The following GNAZ variants were observed in gnomAD, a reference collection of about 807,000 sequenced individuals.
The protein encoded by GNAZ is guanine nucleotide-binding protein G(z) subunit alpha.
A neutral mutation model predicts 25.4 loss-of-function variants in GNAZ; 3 were observed. The observed-to-expected ratio is 0.12, with a 90% CI of 0.05 to 0.30. The LOEUF (loss-of-function observed/expected upper bound fraction) is 0.30, where lower values mean the gene tolerates loss of function less well. GNAZ is among the 10% of genes least tolerant of loss of function. The probability of loss-of-function intolerance (pLI) is 1.00; values close to 1 mark genes in which losing one functional copy is unlikely to be tolerated. For synonymous variants in GNAZ, 211 were observed against 205.7 expected (o/e 1.03, Z -0.22); for missense variants, 241 against 501.8 (o/e 0.48, Z 4.97).
At chr22:23,103,211 G>T (rs543720117) in intron 2 of GNAZ, among the ~76,000 whole-genome samples, 5 of 152,244 alleles carry the variant, frequency 3.3e-5, no homozygotes, top group Non-Finnish European at 2.9e-5. Context: ...CATTATATTT[G>T]TGGCTTCAAA....
At chr22:23,087,334 C>T (rs776026071) in intron 1 of GNAZ, among the ~76,000 whole-genome samples, 12 of 152,260 alleles carry the variant, frequency 7.9e-5, no homozygotes, top group South Asian at 2.1e-4. Flanking sequence ...GGCGTGGTGG[C>T]GCGTGCCTGC....
intron 2 of GNAZ, among the ~76,000 whole-genome samples, chr22:23,111,776 T>C (rs892144660): frequency 1.3e-5 from 2 of 152,110 alleles, no homozygotes; most frequent in Non-Finnish European, 2.9e-5. Flanking sequence ...GCGGCCAGGC[T>C]CCACAGGGCA....
chr22:23,073,048 A>C (rs2146244781), intron 1 of GNAZ, among the ~76,000 whole-genome samples: 1 of 152,360 alleles, frequency 6.6e-6, no homozygotes, highest in East Asian at 1.9e-4. Flanking sequence ...GTGTGTGAAC[A>C]CATGTGTGCG....
chr22:23,070,867 G>C (rs1484963771), intron 1 of GNAZ: 1 of 152,102 alleles, frequency 6.6e-6, no homozygotes, highest in Non-Finnish European at 1.5e-5. Flanking sequence ...GACAGAGGGC[G>C]CCGGGGATGC....
rs753636007 is a variant in GNAZ, at chr22:23,095,739, G to A, written c.44G>A (p.Arg15Gln). 6.2e-6 allele frequency: 10 copies of A among 1,612,100 alleles called. No homozygotes were observed. The highest frequency in any genetic ancestry group is 1.3e-5 in the African/African-American group (1 of 74,938). ...TCAGAGGAAAAAGAAGCAGCCCGGC[G>A]GTCCCGGAGAATTGACCGCCACCTG... ...QSSEEKEAARRSRRIDRHLRS... is the reference protein window; with the variant it reads ...QSSEEKEAARQSRRIDRHLRS... The change falls in exon 2 of 3, where the codon CGG becomes CAG. Residue 15 changes from arginine to glutamine, a missense_variant. Coordinates refer to ENST00000615612, the MANE Select transcript of GNAZ (RefSeq NM_002073.4).
intron 1 of GNAZ, among the ~76,000 whole-genome samples, chr22:23,082,124 CAAAAAAAAAACAA>C (rs1383138835): frequency 4.4e-4 from 29 of 65,266 alleles, no homozygotes; most frequent in African/African-American, 1.8e-3. Context: ...GACTCCGCCT[CAAAAAAAAAACAA>C]AAAAAAAAAA....
In GNAZ at chr22:23,072,897, C is replaced by T. The variant is rs149550759; in HGVS notation, c.-450+2327C>T. On this transcript the variant is annotated intron_variant, in intron 1 of 2. Transcript: ENST00000615612. ...GTATGGGTGGGGTCTCAGTCTGGCCCTCAGGAGCTTCTAGAACAATTCCAG... is the reference window on the plus strand; with the variant it reads ...GTATGGGTGGGGTCTCAGTCTGGCCTTCAGGAGCTTCTAGAACAATTCCAG... Among the ~76,000 whole-genome samples the T allele has an allele frequency of 7.5e-3, 1,144 of 152,326 alleles. 9 individuals are homozygous for T. Among genetic ancestry groups the T allele is most frequent in the African/African-American group, 0.025 (1,035 of 41,576 alleles).
intron 1 of GNAZ, among the ~76,000 whole-genome samples, chr22:23,085,291 T>C (rs1185260432): frequency 1.3e-5 from 2 of 152,192 alleles, no homozygotes; most frequent in Non-Finnish European, 2.9e-5. Context: ...CCTTATGTGC[T>C]CACCATCTCC....
Position 23,071,746 on chromosome 22 carries a change from T to TG in GNAZ, c.-450+1182dup, listed in dbSNP as rs1380189277. On this transcript the variant is annotated intron_variant, in intron 1 of 2. Coordinates refer to ENST00000615612, the MANE Select transcript of GNAZ (RefSeq NM_002073.4). The surrounding 1 kb of genome is among the most constrained non-coding windows in gnomAD (Gnocchi z 4.1). The stretch of plus-strand genomic sequence containing the variant: ...GGGACCTCAGAGTGGTGTCCTGGGC[T>TG]GGGGGGTCAGGTGAGCTCGTGGGCA... Among the ~76,000 whole-genome samples, 2 of 152,082 alleles carry TG rather than the reference T, an allele frequency of 1.3e-5. No homozygotes were observed. Among genetic ancestry groups the TG allele is most frequent in the East Asian group, 1.9e-4 (1 of 5,198 alleles).
chr22:23,072,228 ACT>A (rs1172377780), intron 1 of GNAZ, among the ~76,000 whole-genome samples: 1 of 151,862 alleles, frequency 6.6e-6, no homozygotes, highest in East Asian at 1.9e-4. Flanking sequence ...TTAGCTAGTG[ACT>A]CTGTGCCTCT....
intron 1 of GNAZ, among the ~76,000 whole-genome samples, chr22:23,083,307 C>T (rs1445414970): frequency 1.3e-5 from 2 of 152,036 alleles, no homozygotes; most frequent in Non-Finnish European, 2.9e-5. Context: ...AGAGCTGGCC[C>T]ACAGAGTCCC....
At chr22:23,076,871 C>G (rs900817438) in intron 1 of GNAZ, among the ~76,000 whole-genome samples, 1 of 152,230 alleles carries the variant, frequency 6.6e-6, no homozygotes, top group Non-Finnish European at 1.5e-5. Context: ...GGGAAGGCAC[C>G]AGGCCTGGGT....
intron 2 of GNAZ, among the ~76,000 whole-genome samples, chr22:23,121,529 C>T (rs746251378): frequency 2.5e-4 from 38 of 152,186 alleles, no homozygotes; most frequent in Non-Finnish European, 4.4e-4. Context: ...GCCTCAGTTT[C>T]TTCATCTGTA....
At chr22:23,105,853 A>G (rs1366066934) in intron 2 of GNAZ, among the ~76,000 whole-genome samples, 1 of 152,202 alleles carries the variant, frequency 6.6e-6, no homozygotes, top group Non-Finnish European at 1.5e-5. Flanking sequence ...CTGAAACAGA[A>G]GTGGACTGGG....
At chr22:23,083,547 G>C (rs895204923) in intron 1 of GNAZ, among the ~76,000 whole-genome samples, 1 of 152,170 alleles carries the variant, frequency 6.6e-6, no homozygotes, top group Non-Finnish European at 1.5e-5. Context: ...CACCTGCTTC[G>C]AGGGAAGCAG....
chr22:23,109,834 G>T (rs899115542), intron 2 of GNAZ, among the ~76,000 whole-genome samples: 1 of 152,194 alleles, frequency 6.6e-6, no homozygotes, highest in Non-Finnish European at 1.5e-5. Context: ...CAGGCCTTCT[G>T]CTGGGAGGCA....
intron 2 of GNAZ, among the ~76,000 whole-genome samples, chr22:23,111,774 G>A (rs1220202239): frequency 6.6e-6 from 1 of 152,194 alleles, no homozygotes; most frequent in Admixed American, 6.5e-5. Flanking sequence ...AAGCGGCCAG[G>A]CTCCACAGGG....
intron 1 of GNAZ, among the ~76,000 whole-genome samples, chr22:23,072,124 C>G (rs1025740850): frequency 2.0e-5 from 3 of 152,178 alleles, no homozygotes; most frequent in Non-Finnish European, 4.4e-5. Flanking sequence ...GACTGTGCTT[C>G]CAGGCACTTC....
At chr22:23,098,561 G>A (rs977948962) in intron 2 of GNAZ, among the ~76,000 whole-genome samples, 1 of 152,214 alleles carries the variant, frequency 6.6e-6, no homozygotes, top group Admixed American at 6.5e-5. Flanking sequence ...CTAAAGGGAG[G>A]GGCTGGCAGC....
Sources: gnomAD v4.1 joint callset for allele counts (sites outside exome capture counted in the v4.1 genomes callset) on GRCh38, gnomAD v4.1.1 for gene constraint, Gnocchi (gnomAD v3.1) non-coding constraint, MANE v1.5 for transcripts, NCBI Gene and HGNC (gene_info 2026-07-23, HGNC 2026-07-21) for gene names.